Variants in CYP19A1 observed in about 807,000 individuals in gnomAD.
The protein encoded by CYP19A1 is aromatase.
CYP19A1 carries 32 observed loss-of-function variants against 44.4 expected under a neutral mutation model. That is an observed-to-expected ratio of 0.72 (90% confidence interval 0.54 to 0.97). CYP19A1 has a LOEUF of 0.97. Ranked by LOEUF, CYP19A1 falls within the 50% of genes least tolerant of loss-of-function variation. The pLI is 0.00. For synonymous variants in CYP19A1, 212 were observed against 215.6 expected (o/e 0.98, Z 0.14); for missense variants, 598 against 637.8 (o/e 0.94, Z 0.67).
At chr15:51,262,923 C>T (rs2034785032) in intron 1 of CYP19A1, among the ~76,000 whole-genome samples, 1 of 152,082 alleles carries the variant, frequency 6.6e-6, no homozygotes, top group Non-Finnish European at 1.5e-5. Context: ...GGAGGGGAGA[C>T]AAGCAAAATA....
chr15:51,273,272 A>G (rs980486880), intron 1 of CYP19A1, among the ~76,000 whole-genome samples: 8 of 152,206 alleles, frequency 5.3e-5, no homozygotes, highest in Non-Finnish European at 1.0e-4. Flanking sequence ...TTTATACAGG[A>G]GAGAAACTAT....
chr15:51,290,596 G>A (rs1241440232), intron 1 of CYP19A1, among the ~76,000 whole-genome samples: 1 of 152,190 alleles, frequency 6.6e-6, no homozygotes, highest in Non-Finnish European at 1.5e-5. Context: ...TGTATGGAAA[G>A]GGGTAAGTGT....
At position 51,242,863 on chromosome 15, in the gene CYP19A1, A is replaced by AC; in HGVS notation, c.49dup (p.Val17GlyfsTer3). On this transcript the variant is annotated frameshift_variant, in exon 2 of 10. Coordinates refer to ENST00000396402, the MANE Select transcript of CYP19A1 (RefSeq NM_000103.4). LOFTEE classifies it high-confidence loss of function. ...GGTGGCAGCAGGCATGGCTTCAGGCACGATGCTGGTGATGTTATAATGTAT... is the reference window on the plus strand; with the variant it reads ...GGTGGCAGCAGGCATGGCTTCAGGCACCGATGCTGGTGATGTTATAATGTAT... 6.2e-7 allele frequency: 1 copy of AC among 1,606,954 alleles called. No individual in the cohort carries two copies. The highest frequency in any genetic ancestry group is 1.1e-5 in the South Asian group (1 of 90,930).
rs200572395 is a variant in CYP19A1 at position 51,210,861 on chromosome 15, T to C, written c.1459A>G (p.Met487Val). 7 of 1,594,208 alleles carry C rather than the reference T, an allele frequency of 4.4e-6. No individual in the cohort carries two copies. The highest frequency in any genetic ancestry group is 1.6e-4 in the Middle Eastern group (1 of 6,062). Residue 487 changes from methionine (M) to valine (V), a missense_variant, in exon 10 of 10, where the codon ATG (methionine) becomes GTG (valine). Physicochemically the swap from Met to Val is conservative, Grantham distance 21 (BLOSUM62 1). Coordinates refer to ENST00000396402, the MANE Select transcript of CYP19A1 (RefSeq NM_000103.4). ...CTTGGGGTAAAGATCATTTCCAGCATGTTTTTAGTCTCATCTGGGTGCAAG... is the reference window on the plus strand; with the variant it reads ...CTTGGGGTAAAGATCATTTCCAGCACGTTTTTAGTCTCATCTGGGTGCAAG... ...LSLHPDETKN[M>V]LEMIFTPRNS... is the part of the protein sequence containing the mutation.
At chr15:51,323,208 A>G (rs1296863145) in intron 1 of CYP19A1, among the ~76,000 whole-genome samples, 1 of 152,100 alleles carries the variant, frequency 6.6e-6, no homozygotes. Flanking sequence ...TGGGTGGCCC[A>G]CAATTGCTCA....
intron 8 of CYP19A1, 68 bp downstream of exon 8, chr15:51,215,002 G>T: frequency 6.4e-7 from 1 of 1,551,734 alleles, no homozygotes; most frequent in Non-Finnish European, 8.7e-7. Flanking sequence ...CAGATTCTTA[G>T]GACATAAGAA....
At chr15:51,272,997 C>T (rs976914638) in intron 1 of CYP19A1, among the ~76,000 whole-genome samples, 6 of 151,896 alleles carry the variant, frequency 4.0e-5, no homozygotes, top group African/African-American at 9.7e-5. Context: ...TTCACTCTTT[C>T]GCCCAGGCTA....
At chr15:51,271,577 T>C (rs1346953516) in intron 1 of CYP19A1, among the ~76,000 whole-genome samples, 2 of 152,246 alleles carry the variant, frequency 1.3e-5, no homozygotes, top group African/African-American at 4.8e-5. Flanking sequence ...ACCACAGTTC[T>C]ACCTAACCAG....
At chr15:51,267,701 A>C (rs1229818714) in intron 1 of CYP19A1, among the ~76,000 whole-genome samples, 1 of 152,258 alleles carries the variant, frequency 6.6e-6, no homozygotes, top group Non-Finnish European at 1.5e-5. Flanking sequence ...CAATACACGA[A>C]TTTGAAGGAA....
intron 5 of CYP19A1, chr15:51,221,548 G>A (rs1318917134): frequency 6.6e-6 from 1 of 152,170 alleles, no homozygotes; most frequent in African/African-American, 2.4e-5. Flanking sequence ...AGGTTAAAAA[G>A]TTATCAAATA....
intron 2 of CYP19A1, among the ~76,000 whole-genome samples, chr15:51,239,290 G>T (rs904722868): frequency 5.9e-5 from 9 of 152,134 alleles, no homozygotes; most frequent in African/African-American, 2.2e-4. Flanking sequence ...TCAACAAGCT[G>T]TTGCTTTCCA....
rs76214421 is a variant in CYP19A1, at chr15:51,291,789, T to G, written c.-39+46706A>C. 8.1e-3 allele frequency among the ~76,000 whole-genome samples: 1,237 copies of G among 152,220 alleles called. 10 individuals are homozygous for G. The highest frequency in any genetic ancestry group is 0.013 in the Non-Finnish European group (899 of 68,016). ...GATAATCAGGGAAAAAAGCTCAGGC[T>G]AGAACCATGAGCAATACACTCAGCT... On this transcript the variant is annotated intron_variant, in intron 1 of 9. Transcript: ENST00000396402.
intron 1 of CYP19A1, among the ~76,000 whole-genome samples, chr15:51,249,337 C>T (rs918178207): frequency 6.6e-6 from 1 of 152,188 alleles, no homozygotes; most frequent in African/African-American, 2.4e-5. Flanking sequence ...GTTCTTCCTC[C>T]TCCATGTTTC....
chr15:51,250,729 C>T (rs964175732), intron 1 of CYP19A1, among the ~76,000 whole-genome samples: 7 of 152,156 alleles, frequency 4.6e-5, no homozygotes, highest in Non-Finnish European at 8.8e-5. Context: ...GTTTTTCTCA[C>T]GAGGAGTCTG....
At chr15:51,225,399 C>T (rs976542254) in intron 4 of CYP19A1, among the ~76,000 whole-genome samples, 6 of 152,184 alleles carry the variant, frequency 3.9e-5, no homozygotes, top group South Asian at 4.1e-4. Context: ...TACATTTCTA[C>T]GGGATCTTAT....
chr15:51,250,007 C>T (rs1367395014), intron 1 of CYP19A1, among the ~76,000 whole-genome samples: 1 of 152,186 alleles, frequency 6.6e-6, no homozygotes, highest in African/African-American at 2.4e-5. Context: ...AGGAAAAATG[C>T]AGCTAGATAC....
chr15:51,309,070 T>C (rs1338010953), intron 1 of CYP19A1, among the ~76,000 whole-genome samples: 2 of 152,096 alleles, frequency 1.3e-5, no homozygotes, highest in Non-Finnish European at 2.9e-5. Flanking sequence ...GTGTTTGTGT[T>C]CCCCCAAAAT....
rs146695256 is a variant in CYP19A1, at chr15:51,333,477, G to C, written c.-39+5018C>G. Among the ~76,000 whole-genome samples, 11 of 152,278 alleles carry C rather than the reference G, an allele frequency of 7.2e-5. No individual in the cohort carries two copies. In the East Asian group the frequency reaches 1.5e-3, roughly 21 times the overall value. Reference sequence around the variant, plus strand: ...TGCCCTCTTATGATTACAGAATCGGGGGTGGTTTGGAGACCATGTGTTTAC... The same window carrying C: ...TGCCCTCTTATGATTACAGAATCGGCGGTGGTTTGGAGACCATGTGTTTAC... On this transcript the variant is annotated intron_variant, in intron 1 of 9. Transcript: ENST00000396402.
intron 1 of CYP19A1, among the ~76,000 whole-genome samples, chr15:51,303,384 A>T (rs892823343): frequency 6.8e-6 from 1 of 146,572 alleles, no homozygotes; most frequent in Non-Finnish European, 1.5e-5. Context: ...TATGCCCTTT[A>T]AAAAAAAAAA....
Sources: gnomAD v4.1 joint callset for allele counts (sites outside exome capture counted in the v4.1 genomes callset) on GRCh38, gnomAD v4.1.1 for gene constraint, MANE v1.5 for transcripts, NCBI Gene and HGNC (gene_info 2026-07-23, HGNC 2026-07-21) for gene names.